ARB2A: variants seen among roughly 807,000 people sequenced by gnomAD.
The protein encoded by ARB2A is cotranscriptional regulator ARB2A.
At chr5:93,964,558 T>C in the ARB2A span, 7 of 1,447,990 alleles carry the variant, frequency 4.8e-6, no homozygotes, top group Non-Finnish European at 5.7e-6. Context: ...TAAGATCCAA[T>C]GTCATCCATT....
the ARB2A span, among the ~76,000 whole-genome samples, chr5:94,086,612 G>C: frequency 6.6e-6 from 1 of 152,182 alleles, no homozygotes; most frequent in African/African-American, 2.4e-5. Context: ...GAGTGCAATG[G>C]CACGATCTCA....
the ARB2A span, among the ~76,000 whole-genome samples, chr5:93,887,391 G>T: frequency 6.6e-6 from 1 of 151,612 alleles, no homozygotes; most frequent in African/African-American, 2.4e-5. Flanking sequence ...AGAACATAAA[G>T]AAACTACAGT....
At chr5:93,649,707 C>T in the ARB2A span, among the ~76,000 whole-genome samples, 1 of 152,128 alleles carries the variant, frequency 6.6e-6, no homozygotes, top group Non-Finnish European at 1.5e-5. Flanking sequence ...AGGCTGCTGC[C>T]CACTGCAGGA....
At chr5:93,668,208 A>G in the ARB2A span, among the ~76,000 whole-genome samples, 2,955 of 152,274 alleles carry the variant, frequency 0.019, 35 homozygotes, top group Non-Finnish European at 0.03. Context: ...GGTTCAAGCA[A>G]TGCTTGTGCC....
the ARB2A span, among the ~76,000 whole-genome samples, chr5:93,942,360 T>C: frequency 6.6e-6 from 1 of 152,212 alleles, no homozygotes; most frequent in Non-Finnish European, 1.5e-5. Context: ...ATATTTTCAT[T>C]AATTTATATT....
the ARB2A span, among the ~76,000 whole-genome samples, chr5:93,855,776 G>T: frequency 5.0e-3 from 762 of 152,208 alleles, 5 homozygotes; most frequent in African/African-American, 0.017. Flanking sequence ...TAAGAATGTT[G>T]AATATTGGAA....
chr5:94,001,888 T>C, the ARB2A span, among the ~76,000 whole-genome samples: 1 of 152,118 alleles, frequency 6.6e-6, no homozygotes, highest in Non-Finnish European at 1.5e-5. Context: ...AAACATGATG[T>C]ACATGGTAAA....
the ARB2A span, among the ~76,000 whole-genome samples, chr5:93,810,550 G>C: frequency 6.6e-6 from 1 of 151,914 alleles, no homozygotes; most frequent in Non-Finnish European, 1.5e-5. Context: ...CTACAGGCAT[G>C]CATCATAATA....
the ARB2A span, among the ~76,000 whole-genome samples, chr5:93,638,433 T>C: frequency 2.5e-4 from 38 of 152,238 alleles, no homozygotes; most frequent in Admixed American, 5.2e-4. Flanking sequence ...TATGAACATA[T>C]GTCTTTTAGC....
the ARB2A span, among the ~76,000 whole-genome samples, chr5:93,832,508 T>C: frequency 6.6e-6 from 1 of 152,218 alleles, no homozygotes; most frequent in Non-Finnish European, 1.5e-5. Context: ...TGCTATGATG[T>C]GCTGCCCAGA....
chr5:93,838,348 A>G, the ARB2A span, among the ~76,000 whole-genome samples: 1 of 152,030 alleles, frequency 6.6e-6, no homozygotes, highest in Non-Finnish European at 1.5e-5. Context: ...ATTCTATTCC[A>G]TTGGTATATG....
At chr5:94,007,796 C>T in the ARB2A span, among the ~76,000 whole-genome samples, 1 of 148,398 alleles carries the variant, frequency 6.7e-6, no homozygotes, top group East Asian at 2.0e-4. Context: ...AAAAAAGACA[C>T]AAGACTCACA....
chr5:93,842,444 G>A, the ARB2A span, among the ~76,000 whole-genome samples: 1 of 152,124 alleles, frequency 6.6e-6, no homozygotes, highest in African/African-American at 2.4e-5. Context: ...TTCCAGCATA[G>A]GATGGCAGAT....
the ARB2A span, among the ~76,000 whole-genome samples, chr5:93,767,422 A>C: frequency 6.6e-6 from 1 of 152,186 alleles, no homozygotes; most frequent in Admixed American, 6.5e-5. Context: ...GAGCACTTCT[A>C]CACTGCTGGT....
the ARB2A span, among the ~76,000 whole-genome samples, chr5:93,781,690 GTT>G: frequency 1.1e-4 from 15 of 138,830 alleles, no homozygotes; most frequent in South Asian, 4.6e-4. Flanking sequence ...GCCAACATCT[GTT>G]TTTTTTTTTT....
the ARB2A span, among the ~76,000 whole-genome samples, chr5:93,992,934 A>G: frequency 6.6e-6 from 1 of 152,106 alleles, no homozygotes; most frequent in African/African-American, 2.4e-5. Flanking sequence ...TTTGTTCCAG[A>G]AAAGACCTAA....
the ARB2A span, among the ~76,000 whole-genome samples, chr5:93,653,021 A>T: frequency 7.9e-5 from 12 of 152,242 alleles, no homozygotes; most frequent in South Asian, 2.3e-3. Flanking sequence ...CAAGTTATTT[A>T]ATCTCTCTTT....
chr5:93,705,309 A>G, the ARB2A span, among the ~76,000 whole-genome samples: 4 of 152,234 alleles, frequency 2.6e-5, no homozygotes, highest in Non-Finnish European at 5.9e-5. Context: ...AAAAGGTCCA[A>G]TATTTTAATG....
the ARB2A span, among the ~76,000 whole-genome samples, chr5:94,037,976 C>A: frequency 3.6e-4 from 55 of 152,130 alleles, no homozygotes; most frequent in African/African-American, 1.2e-3. Flanking sequence ...AAGTGTGATC[C>A]TATCCATCAA....
Sources: gnomAD v4.1 joint callset for allele counts (sites outside exome capture counted in the v4.1 genomes callset) on GRCh38, gnomAD v4.1.1 for gene constraint, MANE v1.5 for transcripts, NCBI Gene and HGNC (gene_info 2026-07-23, HGNC 2026-07-21) for gene names.